The following NPAS1 variants were observed in gnomAD, a reference collection of about 807,000 sequenced individuals.
The protein encoded by NPAS1 is neuronal PAS domain protein 1, also known as neuronal PAS domain-containing protein 1.
Under a neutral mutation model 49.2 loss-of-function variants are expected in NPAS1, and 29 were observed. The observed-to-expected ratio is 0.59, with a 90% confidence interval of 0.44 to 0.80. The LOEUF is 0.80. Among genes scored for constraint, NPAS1 ranks in the 30% least tolerant of loss-of-function variants. The pLI is 0.00. For missense variants in NPAS1, 825 were observed against 835.5 expected, an observed-to-expected ratio of 0.99 and a Z score of 0.15; for synonymous variants, 408 against 380.4, an observed-to-expected ratio of 1.07 and a Z score of -0.84.
chr19:47,031,565 CTG>C (rs2056906020), intron 3 of NPAS1, among the ~76,000 whole-genome samples: 1 of 135,294 alleles, frequency 7.4e-6, no homozygotes. Context: ...GAGTCTCGCA[CTG>C]TCATCCAGGC....
intron 3 of NPAS1, among the ~76,000 whole-genome samples, chr19:47,030,026 T>C (rs28838082): frequency 6.6e-6 from 1 of 152,012 alleles, no homozygotes; most frequent in African/African-American, 2.4e-5. Flanking sequence ...TTTTTGTTTT[T>C]GTTTGTTTGT....
chr19:47,031,746 G>T (rs535381004), intron 3 of NPAS1, among the ~76,000 whole-genome samples: 2 of 148,210 alleles, frequency 1.3e-5, no homozygotes, highest in Non-Finnish European at 3.0e-5. Context: ...GGCCAGGCTG[G>T]TCTCGAACCC....
chr19:47,036,870 A>C lies in NPAS1; in HGVS notation c.688+741A>C, dbSNP rs2056961838. 2.0e-5 allele frequency among the ~76,000 whole-genome samples: 3 copies of C among 151,820 alleles called. No individual in the cohort carries two copies. The South Asian group carries it at 6.2e-4, about 32-fold the overall frequency. ...GCACTCCAGCCTGGGCGAGTCCAAG[A>C]CTGTCTCCAAAAAAAACAACAACAA... On this transcript the variant is annotated intron_variant, in intron 6 of 11. Transcript: ENST00000602212.
intron 3 of NPAS1, 152 bp from the exon 4 acceptor site, chr19:47,032,126 C>T (rs1037422856): frequency 3.0e-5 from 19 of 640,998 alleles, no homozygotes; most frequent in Middle Eastern, 2.6e-4. Flanking sequence ...GTGTGTCCCA[C>T]GCCCCAGGTC....
intron 3 of NPAS1, among the ~76,000 whole-genome samples, chr19:47,026,409 A>G (rs1178822031): frequency 6.6e-6 from 1 of 152,114 alleles, no homozygotes; most frequent in African/African-American, 2.4e-5. Flanking sequence ...TTTGGCTGTT[A>G]CCCACAGTGA....
At position 47,045,703 on chromosome 19, in the gene NPAS1, G is replaced by T. The variant is rs182950880; in HGVS notation, c.*52G>T. ...CCCTGCGACAACCGGGGTCCCCCAG[G>T]ACAGTAGGCCCGGCTCTGCCCGTAG... On this transcript the variant is annotated 3_prime_UTR_variant, in exon 12 of 12. Coordinates refer to ENST00000602212, the MANE Select transcript of NPAS1 (RefSeq NM_002517.4). 1.4e-3 allele frequency: 1,886 copies of T among 1,343,526 alleles called. 55 individuals carry two copies. In the Admixed American group the frequency reaches 0.048, roughly 35 times the overall value. 83.2% of individuals were successfully genotyped at this position (1,343,526 alleles called of 1,614,324 possible).
At position 47,045,708 on chromosome 19, in the gene NPAS1, T is replaced by C. The variant is rs2057072616; in HGVS notation, c.*57T>C. On this transcript the variant is annotated 3_prime_UTR_variant, in exon 12 of 12. Transcript: ENST00000602212. ...CGACAACCGGGGTCCCCCAGGACAG[T>C]AGGCCCGGCTCTGCCCGTAGCCCTG... is the stretch of plus-strand genomic sequence containing the variant. 1.5e-6 allele frequency: 2 copies of C among 1,322,208 alleles called. No individual in the cohort carries two copies. The highest frequency in any genetic ancestry group is 3.1e-5 in the African/African-American group (2 of 64,046). The allele number at this position is 1,322,208 out of a possible 1,614,324, so 81.9% of individuals were successfully genotyped here.
At chr19:47,038,829 A>G (rs1032317938) in intron 6 of NPAS1, among the ~76,000 whole-genome samples, 4 of 152,128 alleles carry the variant, frequency 2.6e-5, no homozygotes, top group Non-Finnish European at 4.4e-5. Flanking sequence ...CAGTCTCAAA[A>G]AAAAAAAGAA....
rs1568505845 is a variant in NPAS1 at position 47,036,079 on chromosome 19, TCTC to T, written c.642_644del (p.Ser222del). On this transcript the variant is annotated inframe_deletion, in exon 6 of 12. Coordinates refer to ENST00000602212, the MANE Select transcript of NPAS1 (RefSeq NM_002517.4). ...CCCGGCCCCCCAACCCCGCCCTCCG[TCTC>T]CTCTTCCTCCTCCTCTTCCTCTTCG... 1.9e-6 allele frequency: 3 copies of T among 1,591,082 alleles called. No individual in the cohort carries two copies. The South Asian group carries it at 3.4e-5, about 18-fold the overall frequency.
At position 47,045,480 on chromosome 19, in the gene NPAS1, G is replaced by A. The variant is rs747248302; in HGVS notation, c.1602G>A (p.Arg534=). The change falls in exon 12 of 12, where the codon CGG becomes CGA. Residue 534 remains arginine (R), a synonymous_variant. Transcript: ENST00000602212. The part of the protein sequence containing the change: ...LHAGFLPPVV[R]GLCTPGTIRY... ...CGGGCTTCCTGCCGCCGGTGGTGCGGGGCCTGTGCACACCCGGCACCATCC... is the reference window on the plus strand; with the variant it reads ...CGGGCTTCCTGCCGCCGGTGGTGCGAGGCCTGTGCACACCCGGCACCATCC... 1.9e-6 allele frequency: 3 copies of A among 1,571,676 alleles called. No homozygotes were observed. Among genetic ancestry groups the A allele is most frequent in the Non-Finnish European group, 2.6e-6 (3 of 1,162,734 alleles).
intron 1 of NPAS1, 27 bp downstream of exon 1, chr19:47,020,024 A>G (rs551655735): frequency 8.6e-6 from 2 of 233,790 alleles, no homozygotes; most frequent in African/African-American, 3.5e-5. Context: ...GGCTGGCAGG[A>G]GGGGGACTTC....
intron 5 of NPAS1, among the ~76,000 whole-genome samples, chr19:47,033,033 G>A (rs1184062610): frequency 2.0e-5 from 3 of 152,070 alleles, no homozygotes; most frequent in South Asian, 2.1e-4. Context: ...TCCACCTCCC[G>A]GGTTCAAACA....
At chr19:47,028,950 A>T in intron 3 of NPAS1, among the ~76,000 whole-genome samples, 1 of 151,608 alleles carries the variant, frequency 6.6e-6, no homozygotes, top group Non-Finnish European at 1.5e-5. Context: ...TGTAGGGAGG[A>T]TGGGGCAGGG....
chr19:47,034,991 G>T (rs1486472794), intron 5 of NPAS1, among the ~76,000 whole-genome samples: 2 of 151,804 alleles, frequency 1.3e-5, no homozygotes, highest in Non-Finnish European at 2.9e-5. Context: ...AGACCAGCCT[G>T]ACCAACATGG....
chr19:47,038,315 G>C (rs1568507597), intron 6 of NPAS1, among the ~76,000 whole-genome samples: 1 of 152,126 alleles, frequency 6.6e-6, no homozygotes, highest in Admixed American at 6.6e-5. Flanking sequence ...TCAAGAGATT[G>C]AGACCATCCT....
intron 6 of NPAS1, among the ~76,000 whole-genome samples, chr19:47,038,379 T>C (rs747558401): frequency 2.3e-4 from 34 of 150,454 alleles, no homozygotes; most frequent in East Asian, 1.2e-3. Flanking sequence ...TAGCTGGGCA[T>C]GATGGCGCGT....
chr19:47,031,449 C>A (rs1334394695), intron 3 of NPAS1, among the ~76,000 whole-genome samples: 1 of 152,084 alleles, frequency 6.6e-6, no homozygotes. Context: ...CTACCCTCCT[C>A]GGCCTCCCAA....
chr19:47,025,894 C>T (rs2056868121), intron 3 of NPAS1, among the ~76,000 whole-genome samples: 1 of 150,382 alleles, frequency 6.6e-6, no homozygotes, highest in African/African-American at 2.4e-5. Context: ...CTTCTTAGCT[C>T]ATAGGTCAGG....
At chr19:47,038,905 G>T (rs2056989126) in intron 6 of NPAS1, 131 bp from the exon 7 acceptor site, 4 of 715,360 alleles carry the variant, frequency 5.6e-6, no homozygotes, top group Non-Finnish European at 9.8e-6. Context: ...AAAATCATCA[G>T]GCATGCCTCT....
Sources: allele counts gnomAD v4.1 joint callset (sites outside exome capture counted in the v4.1 genomes callset), GRCh38; gene constraint gnomAD v4.1.1; transcripts MANE v1.5; gene names NCBI Gene and HGNC (gene_info 2026-07-23, HGNC 2026-07-21).